Variants in TMEM132D observed in about 807,000 individuals in gnomAD.
TMEM132D encodes mature OL transmembrane protein.
A neutral mutation model predicts 62.3 loss-of-function variants in TMEM132D; 21 were observed. That is an observed-to-expected ratio of 0.34 (90% CI 0.24 to 0.49). The LOEUF (loss-of-function observed/expected upper bound fraction) is 0.49. TMEM132D is among the 20% of genes least tolerant of loss of function. The pLI, the probability that TMEM132D is intolerant of heterozygous loss-of-function variation, is 0.99. For synonymous variants in TMEM132D, 621 were observed against 575.6 expected (o/e 1.08, Z -1.13); for missense variants, 1,346 against 1,402.8 (o/e 0.96, Z 0.65).
chr12:129,701,548 T>G (rs1320642682), intron 1 of TMEM132D, among the ~76,000 whole-genome samples: 2 of 152,166 alleles, frequency 1.3e-5, no homozygotes, highest in African/African-American at 4.8e-5. Flanking sequence ...CACTACGCCG[T>G]CACCAACGAA....
intron 4 of TMEM132D, among the ~76,000 whole-genome samples, chr12:129,288,012 T>C (rs772298336): frequency 6.6e-6 from 1 of 152,236 alleles, no homozygotes; most frequent in Non-Finnish European, 1.5e-5. Context: ...TTTCTCAAGA[T>C]TGTTTTGACT....
chr12:129,443,474 A>G (rs1872997955), intron 3 of TMEM132D, among the ~76,000 whole-genome samples: 1 of 152,152 alleles, frequency 6.6e-6, no homozygotes, highest in Non-Finnish European at 1.5e-5. Flanking sequence ...GATGGCCCAC[A>G]GCCGAGGAAC....
At chr12:129,128,967 C>T (rs189485410) in intron 5 of TMEM132D, among the ~76,000 whole-genome samples, 20 of 151,240 alleles carry the variant, frequency 1.3e-4, no homozygotes, top group Admixed American at 2.6e-4. Flanking sequence ...CTGGCATATA[C>T]GCACCACATT....
rs142777840 is a variant in TMEM132D, at chr12:129,133,728, G to A, written c.1444-49026C>T. Among the ~76,000 whole-genome samples the A allele has an allele frequency of 3.5e-3, 534 of 152,320 alleles. 10 individuals are homozygous for A. The highest frequency in any genetic ancestry group is 0.02 in the Admixed American group (307 of 15,304). On this transcript the variant is annotated intron_variant, in intron 5 of 8. Coordinates refer to ENST00000422113, the MANE Select transcript of TMEM132D (RefSeq NM_133448.3). ...AGCCCAGGAATTTGGTGTGTGGTGG[G>A]CCCCCAGTCCCTGCATAGGCACTTG...
chr12:129,424,906 ACC>A (rs913452822), intron 3 of TMEM132D, among the ~76,000 whole-genome samples: 2 of 152,004 alleles, frequency 1.3e-5, no homozygotes, highest in Non-Finnish European at 2.9e-5. Flanking sequence ...CGTTTTCATC[ACC>A]CTAGAAAGAT....
intron 3 of TMEM132D, among the ~76,000 whole-genome samples, chr12:129,513,987 G>GC (rs1450368397): frequency 2.1e-4 from 31 of 149,810 alleles, no homozygotes; most frequent in Admixed American, 1.4e-3. Flanking sequence ...ACAGGCGCCC[G>GC]CCACCACGCC....
intron 2 of TMEM132D, among the ~76,000 whole-genome samples, chr12:129,652,380 G>A (rs1232539930): frequency 6.6e-6 from 1 of 152,174 alleles, no homozygotes; most frequent in Non-Finnish European, 1.5e-5. Context: ...CACATCCTAA[G>A]CCCTGGAACC....
chr12:129,850,947 CA>C (rs1170171117), intron 1 of TMEM132D, among the ~76,000 whole-genome samples: 1 of 152,172 alleles, frequency 6.6e-6, no homozygotes. Context: ...TTGGTTCCAG[CA>C]GATTCCACCA....
chr12:129,463,839 GTA>G (rs1438829938), intron 3 of TMEM132D, among the ~76,000 whole-genome samples: 9 of 151,918 alleles, frequency 5.9e-5, no homozygotes, highest in African/African-American at 1.7e-4. Flanking sequence ...ATTCCATGGT[GTA>G]TATGTGCCAC....
intron 1 of TMEM132D, among the ~76,000 whole-genome samples, chr12:129,814,645 A>T (rs1357627820): frequency 6.6e-6 from 1 of 151,340 alleles, no homozygotes; most frequent in African/African-American, 2.4e-5. Flanking sequence ...AATAAAAAAC[A>T]TCTGAAGTTC....
intron 5 of TMEM132D, among the ~76,000 whole-genome samples, chr12:129,153,582 C>T (rs930839652): frequency 8.5e-5 from 13 of 152,058 alleles, no homozygotes; most frequent in Admixed American, 7.9e-4. Flanking sequence ...ACAAGCTGAT[C>T]TCATGAGGCA....
intron 3 of TMEM132D, among the ~76,000 whole-genome samples, chr12:129,529,000 A>G (rs1025982433): frequency 6.6e-6 from 1 of 152,254 alleles, no homozygotes; most frequent in Non-Finnish European, 1.5e-5. Context: ...TATGTGTTCT[A>G]TATGCATATA....
rs373111724 is a variant in TMEM132D, at chr12:129,401,441, A to T, written c.1116-63624T>A. Among the ~76,000 whole-genome samples the T allele has an allele frequency of 9.2e-5, 14 of 152,142 alleles. No homozygotes were observed. In the East Asian group the frequency reaches 2.3e-3, roughly 25 times the overall value. ...AAAATTAGCTGAGCATGGTGGCATG[A>T]GCCTGTAGTCCCAGCTACTTGGGAG... On this transcript the variant is annotated intron_variant, in intron 3 of 8. Transcript: ENST00000422113.
chr12:129,336,659 G>A lies in TMEM132D; in HGVS notation c.1299+975C>T, dbSNP rs546676550. On this transcript the variant is annotated intron_variant, in intron 4 of 8. Coordinates refer to ENST00000422113, the MANE Select transcript of TMEM132D (RefSeq NM_133448.3). Reference sequence around the variant, plus strand: ...GTTTCAGAGGCTGTTGAAGGACAGAGAGAGGGCTCTTGTGGGACTGAGGAC... The same window carrying A: ...GTTTCAGAGGCTGTTGAAGGACAGAAAGAGGGCTCTTGTGGGACTGAGGAC... Among the ~76,000 whole-genome samples, 69 of 152,324 alleles carry A rather than the reference G, an allele frequency of 4.5e-4. 1 individual carries two copies. The highest frequency in any genetic ancestry group is 1.6e-3 in the Admixed American group (25 of 15,292).
At chr12:129,747,906 T>C (rs1217188112) in intron 1 of TMEM132D, among the ~76,000 whole-genome samples, 2 of 152,148 alleles carry the variant, frequency 1.3e-5, no homozygotes, top group Non-Finnish European at 2.9e-5. Context: ...GCTGAACTCA[T>C]CTCCCTGCTT....
chr12:129,450,524 T>C (rs1873241892), intron 3 of TMEM132D, among the ~76,000 whole-genome samples: 1 of 152,238 alleles, frequency 6.6e-6, no homozygotes, highest in Non-Finnish European at 1.5e-5. Context: ...AGAGGCTACA[T>C]GAAATTTCAA....
chr12:129,717,849 C>T (rs7315522), intron 1 of TMEM132D, among the ~76,000 whole-genome samples: 15,283 of 152,174 alleles, frequency 0.1, 983 homozygotes, highest in East Asian at 0.19. Flanking sequence ...CTGTCATGTA[C>T]GGTTGTTCAA....
chr12:129,563,344 T>C lies in TMEM132D; in HGVS notation c.969-32139A>G, dbSNP rs539965794. Among the ~76,000 whole-genome samples, 9 of 152,364 alleles carry C rather than the reference T, an allele frequency of 5.9e-5. No homozygotes were observed. The East Asian group carries it at 1.7e-3, about 29-fold the overall frequency. On this transcript the variant is annotated intron_variant, in intron 2 of 8. Coordinates refer to ENST00000422113, the MANE Select transcript of TMEM132D (RefSeq NM_133448.3). Reference sequence around the variant, plus strand: ...CATACAGCTTTAGTTTGTTCTTTTATGTATTTTTGATCCTCAGTGCTCTTA... The same window carrying C: ...CATACAGCTTTAGTTTGTTCTTTTACGTATTTTTGATCCTCAGTGCTCTTA...
intron 2 of TMEM132D, among the ~76,000 whole-genome samples, chr12:129,666,891 G>A (rs1474447263): frequency 6.6e-6 from 1 of 152,124 alleles, no homozygotes. Flanking sequence ...TTTTGTTAAA[G>A]GGAATGTAAT....
Sources: gnomAD v4.1 joint callset for allele counts (sites outside exome capture counted in the v4.1 genomes callset) on GRCh38, gnomAD v4.1.1 for gene constraint, MANE v1.5 for transcripts, NCBI Gene and HGNC (gene_info 2026-07-23, HGNC 2026-07-21) for gene names.